The following FOXP2 variants were observed in gnomAD, a reference collection of about 807,000 sequenced individuals.
FOXP2 encodes the protein forkhead box protein P2.
FOXP2 carries 12 observed loss-of-function variants against 115.8 expected under a neutral mutation model. That is an observed-to-expected ratio of 0.10 (90% CI 0.07 to 0.17). The LOEUF (loss-of-function observed/expected upper bound fraction) is 0.17. Ranked by LOEUF, FOXP2 falls within the 10% of genes least tolerant of loss-of-function variation. The pLI is 1.00. For missense variants in FOXP2, 629 were observed against 843.5 expected, an observed-to-expected ratio of 0.75 and a Z score of 3.15; for synonymous variants, 328 against 297.7, an observed-to-expected ratio of 1.10 and a Z score of -1.05.
intron 1 of FOXP2, among the ~76,000 whole-genome samples, chr7:114,131,933 T>G (rs192426483): frequency 1.1e-3 from 171 of 152,322 alleles, no homozygotes; most frequent in Non-Finnish European, 1.4e-3. Context: ...TATTTCACAT[T>G]GTTTATGTAT....
intron 1 of FOXP2, among the ~76,000 whole-genome samples, chr7:114,099,503 C>A (rs1799728632): frequency 6.6e-6 from 1 of 152,134 alleles, no homozygotes; most frequent in Admixed American, 6.5e-5. Context: ...TCATATGACC[C>A]ACAAATCCCT....
chr7:114,548,033 G>A (rs1346003394), intron 3 of FOXP2, among the ~76,000 whole-genome samples: 1 of 152,140 alleles, frequency 6.6e-6, no homozygotes, highest in Non-Finnish European at 1.5e-5. Flanking sequence ...TGGTACAACT[G>A]CTCAAGGATG....
intron 6 of FOXP2, among the ~76,000 whole-genome samples, chr7:114,639,191 C>T (rs944291306): frequency 6.6e-6 from 1 of 152,148 alleles, no homozygotes; most frequent in Non-Finnish European, 1.5e-5. Context: ...GCCACTCAAT[C>T]TATGTTAGAA....
intron 3 of FOXP2, among the ~76,000 whole-genome samples, chr7:114,574,058 G>C (rs769118375): frequency 5.3e-5 from 8 of 151,586 alleles, no homozygotes; most frequent in Non-Finnish European, 1.2e-4. Flanking sequence ...CTATTACATT[G>C]TTGAACAGTA....
chr7:114,623,756 TA>T (rs943705533), intron 3 of FOXP2, among the ~76,000 whole-genome samples: 1 of 151,948 alleles, frequency 6.6e-6, no homozygotes, highest in African/African-American at 2.4e-5. Context: ...AAATGAATAC[TA>T]AAACTTGTGT....
chr7:114,510,819 A>G (rs1327934840), intron 2 of FOXP2, among the ~76,000 whole-genome samples: 52 of 152,096 alleles, frequency 3.4e-4, no homozygotes. Context: ...AGATCTAGAA[A>G]CAGAAATACC....
Position 114,555,176 on chromosome 7 carries a change from C to T in FOXP2, c.258+20470C>T, listed in dbSNP as rs150276247. On this transcript the variant is annotated intron_variant, in intron 3 of 16. Transcript: ENST00000350908. ...ATATATTTAGTGCTTACTTTGTGTA[C>T]CTGGTAATGTATTTATTTATGCTCT... 2.9e-3 allele frequency among the ~76,000 whole-genome samples: 446 copies of T among 152,102 alleles called. 1 individual carries two copies. Among genetic ancestry groups the T allele is most frequent in the African/African-American group, 9.9e-3 (411 of 41,464 alleles).
At chr7:114,580,585 C>A (rs1049356374) in intron 3 of FOXP2, among the ~76,000 whole-genome samples, 1 of 151,462 alleles carries the variant, frequency 6.6e-6, no homozygotes, top group Non-Finnish European at 1.5e-5. Context: ...TGTCTCAAAA[C>A]AAAAACAAAA....
chr7:114,441,112 A>G (rs1445519545), intron 2 of FOXP2, among the ~76,000 whole-genome samples: 3 of 152,254 alleles, frequency 2.0e-5, no homozygotes, highest in Non-Finnish European at 4.4e-5. Context: ...ATAAGTAATA[A>G]AACTAGTCAC....
chr7:114,403,613 T>C (rs550453904), intron 2 of FOXP2, among the ~76,000 whole-genome samples: 2 of 152,340 alleles, frequency 1.3e-5, no homozygotes, highest in East Asian at 1.9e-4. Flanking sequence ...AGAAATACTA[T>C]GCTAGTGATA....
At chr7:114,181,266 C>T (rs1018223948) in intron 1 of FOXP2, among the ~76,000 whole-genome samples, 3 of 113,522 alleles carry the variant, frequency 2.6e-5, no homozygotes, top group African/African-American at 7.7e-5. Flanking sequence ...TGGATTTTAT[C>T]CTAATAAATT....
chr7:114,496,329 A>G (rs906613439), intron 2 of FOXP2, among the ~76,000 whole-genome samples: 1 of 152,136 alleles, frequency 6.6e-6, no homozygotes, highest in Non-Finnish European at 1.5e-5. Context: ...TTAATTGTAC[A>G]TGCTTCAATT....
chr7:114,462,963 A>G (rs1795643919), intron 2 of FOXP2: 3 of 323,110 alleles, frequency 9.3e-6, no homozygotes, highest in African/African-American at 4.5e-5. Context: ...CAATCAATAC[A>G]TTAATTATAA....
intron 3 of FOXP2, among the ~76,000 whole-genome samples, chr7:114,593,238 A>G (rs1802527439): frequency 6.7e-6 from 1 of 149,642 alleles, no homozygotes; most frequent in African/African-American, 2.6e-5. Context: ...AGATAAGCAA[A>G]AAGAAAAAAA....
intron 3 of FOXP2, among the ~76,000 whole-genome samples, chr7:114,595,439 GA>G (rs1422800779): frequency 6.6e-6 from 1 of 152,014 alleles, no homozygotes; most frequent in Non-Finnish European, 1.5e-5. Flanking sequence ...AAGATTATAT[GA>G]AATTGGGTAT....
In FOXP2 at chr7:114,691,391, G is replaced by T. The variant is rs1412977885; in HGVS notation, c.*1465G>T. The T allele has an allele frequency of 6.6e-6, 3 of 453,830 alleles. No individual in the cohort carries two copies. The highest frequency in any genetic ancestry group is 1.3e-5 in the Non-Finnish European group (3 of 226,750). 28.1% of individuals were successfully genotyped at this position (453,830 alleles called of 1,614,324 possible). On this transcript the variant is annotated 3_prime_UTR_variant, in exon 17 of 17. Coordinates refer to ENST00000350908, the MANE Select transcript of FOXP2 (RefSeq NM_014491.4). ...GAAAGCAAAGATTATAGCAATTGTA[G>T]TCCATGGTATTTATTTTCAGTCAAA...
chr7:114,155,539 C>A (rs1448119256), intron 1 of FOXP2, among the ~76,000 whole-genome samples: 3 of 152,102 alleles, frequency 2.0e-5, no homozygotes, highest in African/African-American at 7.2e-5. Context: ...TACAGGGAAT[C>A]CCTTTTCAGG....
At chr7:114,604,771 C>T (rs1400278670) in intron 3 of FOXP2, among the ~76,000 whole-genome samples, 2 of 152,110 alleles carry the variant, frequency 1.3e-5, no homozygotes, top group South Asian at 2.1e-4. Flanking sequence ...CTTGCTTAGG[C>T]CTCTACTAAA....
At chr7:114,676,334 T>G (rs1299133688) in intron 16 of FOXP2, among the ~76,000 whole-genome samples, 1 of 152,178 alleles carries the variant, frequency 6.6e-6, no homozygotes, top group Non-Finnish European at 1.5e-5. Context: ...ATAAAGGATT[T>G]GAACAAGTCT....
Sources: allele counts gnomAD v4.1 joint callset (sites outside exome capture counted in the v4.1 genomes callset), GRCh38; gene constraint gnomAD v4.1.1; transcripts MANE v1.5; gene names NCBI Gene and HGNC (gene_info 2026-07-23, HGNC 2026-07-21).